Variants in RPS15 observed in about 807,000 individuals in gnomAD.
RPS15 encodes the protein small ribosomal subunit protein uS19.
A neutral mutation model predicts 14.9 loss-of-function variants in RPS15; 5 were observed. The observed-to-expected ratio is 0.34, with a 90% CI of 0.18 to 0.70. The LOEUF (loss-of-function observed/expected upper bound fraction) is 0.70. Ranked by LOEUF, RPS15 falls within the 30% of genes least tolerant of loss-of-function variation. The probability of loss-of-function intolerance (pLI) is 0.65; values close to 1 mark genes in which losing one functional copy is unlikely to be tolerated. For missense variants in RPS15, 102 were observed against 204.2 expected, an observed-to-expected ratio of 0.50 and a Z score of 3.05; for synonymous variants, 103 against 85.0, an observed-to-expected ratio of 1.21 and a Z score of -1.16.
At position 1,440,432 on chromosome 19, in the gene RPS15, C is replaced by G. The variant is rs757669754; in HGVS notation, c.408C>G (p.Thr136=). The G allele has an allele frequency of 6.2e-7, 1 of 1,613,842 alleles. No individual in the cohort carries two copies. The highest frequency in any genetic ancestry group is 8.5e-7 in the Non-Finnish European group (1 of 1,179,738). ...ATGGCCGGCCCGGCATCGGGGCCAC[C>G]CACTCCTCCCGCTTCATCCCTCTCA... ...VKHGRPGIGA[T]HSSRFIPLK Residue 136 remains threonine (T), a synonymous_variant, in exon 4 of 4, where the codon ACC becomes ACG. Coordinates refer to ENST00000592588, the MANE Select transcript of RPS15 (RefSeq NM_001018.5).
chr19:1,439,775 G>A lies in RPS15; in HGVS notation c.90-244G>A, dbSNP rs373691142. 5 of 615,988 alleles carry A rather than the reference G, an allele frequency of 8.1e-6. No homozygotes were observed. The Admixed American group carries it at 1.1e-4, about 13-fold the overall frequency. The allele number at this position is 615,988 out of a possible 1,614,324, so 38.2% of individuals were successfully genotyped here. A position where few individuals can be genotyped will look rare whatever the true frequency, so the allele number is the denominator to read the frequency against. On this transcript the variant is annotated intron_variant, in intron 2 of 3. Transcript: ENST00000592588. ...TGTCTGAGGCTGTGGTCTCCGGGCCGCTTGTTCTCTCTGAATCTCTGCAGT... is the reference window on the plus strand; with the variant it reads ...TGTCTGAGGCTGTGGTCTCCGGGCCACTTGTTCTCTCTGAATCTCTGCAGT...
Position 1,438,997 on chromosome 19 carries a change from G to A in RPS15, c.89+105G>A. On this transcript the variant is annotated intron_variant, in intron 2 of 3. Coordinates refer to ENST00000592588, the MANE Select transcript of RPS15 (RefSeq NM_001018.5). The surrounding 1 kb of genome is among the most constrained non-coding windows in gnomAD (Gnocchi z 4.8). ...TCCAAGCGCCTCTGCGGCGGTGGGC[G>A]GGCACGGTCTCCGCGCGGGTTTGGA... The A allele has an allele frequency of 1.2e-6, 1 of 864,996 alleles. No homozygotes were observed. Among genetic ancestry groups the A allele is most frequent in the Admixed American group, 2.9e-5 (1 of 34,282 alleles). The allele number at this position is 864,996 out of a possible 1,614,324, so 53.6% of individuals were successfully genotyped here. A position where few individuals can be genotyped will look rare whatever the true frequency, so the allele number is the denominator to read the frequency against.
Position 1,438,971 on chromosome 19 carries a change from G to T in RPS15, c.89+79G>T. 1.6e-6 allele frequency: 2 copies of T among 1,243,752 alleles called. No individual in the cohort carries two copies. The highest frequency in any genetic ancestry group is 2.3e-6 in the Non-Finnish European group (2 of 881,346). The allele number at this position is 1,243,752 out of a possible 1,614,324, so 77.0% of individuals were successfully genotyped here. A position where few individuals can be genotyped will look rare whatever the true frequency, so the allele number is the denominator to read the frequency against. On this transcript the variant is annotated intron_variant, in intron 2 of 3. Transcript: ENST00000592588. This position sits in a 1 kb window ranked among gnomAD's most constrained non-coding sequence, Gnocchi z 4.8. ...TCCGGGTGAGGGCGGCGGGGCGGGG[G>T]TCCAAGCGCCTCTGCGGCGGTGGGC...
In RPS15 at chr19:1,440,372, G is replaced by A; in HGVS notation, c.348G>A (p.Leu116=). 3 of 1,614,042 alleles carry A rather than the reference G, an allele frequency of 1.9e-6. No individual in the cohort carries two copies. The highest frequency in any genetic ancestry group is 1.3e-5 in the African/African-American group (1 of 75,060). Residue 116 remains leucine (L), a synonymous_variant, in exon 4 of 4, where the codon CTG becomes CTA. Transcript: ENST00000592588. ...AGCCCGAGATGATCGGCCACTACCT[G>A]GGCGAGTTCTCCATCACCTACAAGC... ...EIKPEMIGHY[L]GEFSITYKPV...
rs201390449 is a variant in RPS15 at position 1,438,403 on chromosome 19, A to T, written c.-23A>T. ...AACTGCGCAGGCGCGGACCAAAGCG[A>T]TCTCTTCTGAGGATCCGGCAAGATG... On this transcript the variant is annotated 5_prime_UTR_variant, in exon 1 of 4. Transcript: ENST00000592588. The surrounding 1 kb of genome is among the most constrained non-coding windows in gnomAD (Gnocchi z 4.8). 12 of 1,613,356 alleles carry T rather than the reference A, an allele frequency of 7.4e-6. No homozygotes were observed. Among genetic ancestry groups the T allele is most frequent in the South Asian group, 2.2e-5 (2 of 91,072 alleles).
chr19:1,439,849 G>T, intron 2 of RPS15, 170 bp from the exon 3 acceptor site: 1 of 662,290 alleles, frequency 1.5e-6, no homozygotes, highest in South Asian at 1.6e-5. Flanking sequence ...TATCTGGCGG[G>T]GGTGCCAGAG....
intron 2 of RPS15, chr19:1,439,714 A>C (rs540786465): frequency 5.1e-6 from 3 of 586,026 alleles, no homozygotes; most frequent in African/African-American, 1.9e-5. Context: ...CTGCGTTTTT[A>C]GAGGCCTTTG....
At chr19:1,439,039 C>A in intron 2 of RPS15, 147 bp downstream of exon 2, 1 of 664,876 alleles carries the variant, frequency 1.5e-6, no homozygotes, top group Non-Finnish European at 2.5e-6. Flanking sequence ...TGTGGTCTTG[C>A]GCCCAGAAAA....
chr19:1,438,464 T>C lies in RPS15; in HGVS notation c.3+36T>C. The C allele has an allele frequency of 6.2e-7, 1 of 1,613,280 alleles. No homozygotes were observed. The highest frequency in any genetic ancestry group is 1.7e-5 in the Admixed American group (1 of 60,016). Reference sequence around the variant, plus strand: ...CGATTTGGCGCGTCTCTGCCGGGCCTATCCGGCTCCATCCAACCTCTGACC... The same window carrying C: ...CGATTTGGCGCGTCTCTGCCGGGCCCATCCGGCTCCATCCAACCTCTGACC... On this transcript the variant is annotated intron_variant, in intron 1 of 3. Coordinates refer to ENST00000592588, the MANE Select transcript of RPS15 (RefSeq NM_001018.5). The surrounding 1 kb of genome is among the most constrained non-coding windows in gnomAD (Gnocchi z 4.8).
Position 1,440,022 on chromosome 19 carries a change from G to C in RPS15, c.93G>C (p.Glu31Asp). The C allele has an allele frequency of 6.5e-7, 1 of 1,549,386 alleles. No individual in the cohort carries two copies. Among genetic ancestry groups the C allele is most frequent in the African/African-American group, 1.4e-5 (1 of 73,370 alleles). ...DLDQLLDMSY[E>D]QLMQLYSARQ... The stretch of plus-strand genomic sequence containing the variant: ...CTGCCTGGTGCATCCTCCCCAGCGA[G>C]CAGCTGATGCAGCTGTACAGTGCGC... Residue 31 changes from glutamate (E) to aspartate (D), a missense_variant, in exon 3 of 4, where the codon GAG becomes GAC. By Grantham distance (45) the Glu-to-Asp change is conservative. Coordinates refer to ENST00000592588, the MANE Select transcript of RPS15 (RefSeq NM_001018.5).
chr19:1,438,739 C>A lies in RPS15; in HGVS notation c.4-68C>A. The A allele has an allele frequency of 6.5e-7, 1 of 1,544,398 alleles. No individual in the cohort carries two copies. The highest frequency in any genetic ancestry group is 8.8e-7 in the Non-Finnish European group (1 of 1,142,036). ...CGGCGCCGCGCGTCTTCCGCGGTGTCCTCGGGCCCGGTGGCCCCGGGAGAT... is the reference window on the plus strand; with the variant it reads ...CGGCGCCGCGCGTCTTCCGCGGTGTACTCGGGCCCGGTGGCCCCGGGAGAT... On this transcript the variant is annotated intron_variant, in intron 1 of 3. Transcript: ENST00000592588. The surrounding 1 kb of genome is among the most constrained non-coding windows in gnomAD (Gnocchi z 4.8).
chr19:1,440,098 C>T lies in RPS15; in HGVS notation c.169C>T (p.Leu57=), dbSNP rs1280594883. Residue 57 remains leucine, a synonymous_variant, in exon 3 of 4, where the codon CTG becomes TTG. Coordinates refer to ENST00000592588, the MANE Select transcript of RPS15 (RefSeq NM_001018.5). The part of the protein sequence containing the change: ...RGLRRKQHSL[L]KRLRKAKKEA... ...CCTGCGGCGGAAGCAGCACTCCCTG[C>T]TGAAGCGCCTGCGCAAGGCCAAGAA... 1.9e-6 allele frequency: 3 copies of T among 1,588,324 alleles called. No individual in the cohort carries two copies. The highest frequency in any genetic ancestry group is 2.6e-6 in the Non-Finnish European group (3 of 1,169,320).
Position 1,440,467 on chromosome 19 carries a change from T to G in RPS15, c.*5T>G, listed in dbSNP as rs1600268425. 6.2e-7 allele frequency: 1 copy of G among 1,604,102 alleles called. No homozygotes were observed. The highest frequency in any genetic ancestry group is 2.2e-5 in the East Asian group (1 of 44,834). On this transcript the variant is annotated 3_prime_UTR_variant, in exon 4 of 4. Transcript: ENST00000592588. ...CGCTTCATCCCTCTCAAGTAATGGC[T>G]CAGCTAATAAAGGCGCACATGACTC...
At chr19:1,439,860 G>C (rs2083639159) in intron 2 of RPS15, 159 bp from the exon 3 acceptor site, 1 of 685,108 alleles carries the variant, frequency 1.5e-6, no homozygotes, top group Non-Finnish European at 2.6e-6. Context: ...GGTGCCAGAG[G>C]GACTTGGCGT....
At position 1,438,707 on chromosome 19, in the gene RPS15, T is replaced by C; in HGVS notation, c.4-100T>C. On this transcript the variant is annotated intron_variant, in intron 1 of 3. Transcript: ENST00000592588. This position sits in a 1 kb window ranked among gnomAD's most constrained non-coding sequence, Gnocchi z 4.8. ...GCGGTGTGTCCCTGTCGGGCTTCTG[T>C]CCCCGGCGGCGCCGCGCGTCTTCCG... is the stretch of plus-strand genomic sequence containing the variant. 1 of 1,533,608 alleles carries C rather than the reference T, an allele frequency of 6.5e-7. No homozygotes were observed. Among genetic ancestry groups the C allele is most frequent in the South Asian group, 1.2e-5 (1 of 83,696 alleles).
In RPS15 at chr19:1,438,616, G is replaced by T. The variant is rs1046457402; in HGVS notation, c.3+188G>T. 1 of 1,535,656 alleles carries T rather than the reference G, an allele frequency of 6.5e-7. No homozygotes were observed. Among genetic ancestry groups the T allele is most frequent in the East Asian group, 2.5e-5 (1 of 40,674 alleles). ...GGACGACGCGGGGCTGGGAAGGCCT[G>T]TCCGGGCCTTCATGTCCGGGTCCTC... On this transcript the variant is annotated intron_variant, in intron 1 of 3. Coordinates refer to ENST00000592588, the MANE Select transcript of RPS15 (RefSeq NM_001018.5). The surrounding 1 kb of genome is among the most constrained non-coding windows in gnomAD (Gnocchi z 4.8).
Position 1,438,533 on chromosome 19 carries a change from G to T in RPS15, c.3+105G>T. On this transcript the variant is annotated intron_variant, in intron 1 of 3. Transcript: ENST00000592588. This position sits in a 1 kb window ranked among gnomAD's most constrained non-coding sequence, Gnocchi z 4.8. ...TTCGTCCCCGCGGCTACGGCGGCTT[G>T]CTCCCGACCCTGCAGGCGGCTGGAT... The T allele has an allele frequency of 6.3e-7, 1 of 1,598,986 alleles. No homozygotes were observed. Among genetic ancestry groups the T allele is most frequent in the Non-Finnish European group, 8.5e-7 (1 of 1,173,156 alleles).
chr19:1,438,683 C>T lies in RPS15; in HGVS notation c.4-124C>T. ...AGTGATCCCCGGGGACGGGTCGAAG[C>T]GGTGTGTCCCTGTCGGGCTTCTGTC... is the stretch of plus-strand genomic sequence containing the variant. On this transcript the variant is annotated intron_variant, in intron 1 of 3. Transcript: ENST00000592588. This position sits in a 1 kb window ranked among gnomAD's most constrained non-coding sequence, Gnocchi z 4.8. 6.5e-7 allele frequency: 1 copy of T among 1,529,658 alleles called. No homozygotes were observed. Among genetic ancestry groups the T allele is most frequent in the Non-Finnish European group, 8.8e-7 (1 of 1,130,626 alleles). 94.8% of individuals were successfully genotyped at this position (1,529,658 alleles called of 1,614,324 possible).
At chr19:1,439,033 G>C in intron 2 of RPS15, 141 bp downstream of exon 2, 1 of 682,114 alleles carries the variant, frequency 1.5e-6, no homozygotes, top group Non-Finnish European at 2.4e-6. Context: ...ACTGAGTGTG[G>C]TCTTGCGCCC....
Sources: allele counts gnomAD v4.1 joint callset, GRCh38; gene constraint gnomAD v4.1.1; non-coding constraint Gnocchi (gnomAD v3.1); transcripts MANE v1.5; gene names NCBI Gene and HGNC (gene_info 2026-07-23, HGNC 2026-07-21).